SEPTIN14: variants seen among roughly 807,000 people sequenced by gnomAD.
SEPTIN14 encodes septin 14, also known as septin-14.
A neutral mutation model predicts 53.6 loss-of-function variants in SEPTIN14; 40 were observed. That is an observed-to-expected ratio of 0.75 (90% CI 0.58 to 0.97). The LOEUF (loss-of-function observed/expected upper bound fraction) is 0.97, where lower values mean the gene tolerates loss of function less well. Among genes scored for constraint, SEPTIN14 ranks in the 50% least tolerant of loss-of-function variants. The pLI, the probability that SEPTIN14 is intolerant of heterozygous loss-of-function variation, is 0.00. For missense variants in SEPTIN14, 471 were observed against 508.2 expected (o/e 0.93, Z 0.70); for synonymous variants, 138 against 166.8 (o/e 0.83, Z 1.33).
At chr7:55,849,538 G>A (rs1343615569) in intron 2 of SEPTIN14, among the ~76,000 whole-genome samples, 1 of 151,904 alleles carries the variant, frequency 6.6e-6, no homozygotes, top group Non-Finnish European at 1.5e-5. Context: ...CTGAGGTCAG[G>A]AGTTTGAGAC....
intron 3 of SEPTIN14, among the ~76,000 whole-genome samples, chr7:55,846,089 A>ATATATATATATATATATATATATG (rs1413807430): frequency 7.7e-6 from 1 of 130,036 alleles, no homozygotes; most frequent in Non-Finnish European, 1.6e-5. Context: ...ATATATATAT[A>ATATATATATATATATATATATATG]TATGTATACA....
intron 5 of SEPTIN14, among the ~76,000 whole-genome samples, chr7:55,842,524 G>C (rs972564683): frequency 1.3e-5 from 2 of 151,498 alleles, no homozygotes; most frequent in Non-Finnish European, 2.9e-5. Flanking sequence ...GATTGCTTGA[G>C]CCCAGGAGGT....
At chr7:55,860,360 G>C (rs1313106640) in intron 2 of SEPTIN14, among the ~76,000 whole-genome samples, 1 of 152,112 alleles carries the variant, frequency 6.6e-6, no homozygotes, top group Admixed American at 6.6e-5. Context: ...TAGAATGATA[G>C]CTACCAGAGG....
intron 6 of SEPTIN14, among the ~76,000 whole-genome samples, chr7:55,829,967 A>C (rs1789067911): frequency 6.6e-6 from 1 of 151,650 alleles, no homozygotes; most frequent in Non-Finnish European, 1.5e-5. Flanking sequence ...TCACGAGGTC[A>C]GGAGATCGAG....
intron 2 of SEPTIN14, among the ~76,000 whole-genome samples, chr7:55,859,627 T>G (rs947340436): frequency 3.3e-5 from 5 of 152,142 alleles, no homozygotes; most frequent in African/African-American, 1.2e-4. Flanking sequence ...TTTCAATCCC[T>G]CCCTTCACTT....
intron 7 of SEPTIN14, among the ~76,000 whole-genome samples, chr7:55,808,956 A>G (rs1788650837): frequency 6.6e-6 from 1 of 152,232 alleles, no homozygotes; most frequent in Non-Finnish European, 1.5e-5. Context: ...ATAAAGACAC[A>G]GGCACGTGTA....
At chr7:55,809,049 G>T (rs1788652606) in intron 7 of SEPTIN14, among the ~76,000 whole-genome samples, 3 of 152,010 alleles carry the variant, frequency 2.0e-5, no homozygotes, top group Admixed American at 1.3e-4. Context: ...TAGAGAAAAT[G>T]AACATATACA....
chr7:55,815,175 C>T (rs1788771456), intron 7 of SEPTIN14, among the ~76,000 whole-genome samples: 1 of 152,092 alleles, frequency 6.6e-6, no homozygotes, highest in Non-Finnish European at 1.5e-5. Flanking sequence ...TCTAAGACCT[C>T]AAATTATGAA....
At position 55,834,502 on chromosome 7, in the gene SEPTIN14, A is replaced by T; in HGVS notation, c.643T>A (p.Leu215Met). The T allele has an allele frequency of 6.2e-7, 1 of 1,612,610 alleles. No individual in the cohort carries two copies. The highest frequency in any genetic ancestry group is 8.5e-7 in the Non-Finnish European group (1 of 1,178,732). The change falls in exon 6 of 10, where the codon TTG becomes ATG. Residue 215 changes from leucine (L) to methionine (M), a missense_variant. Coordinates refer to ENST00000388975, the MANE Select transcript of SEPTIN14 (RefSeq NM_207366.3). ...QTFKNKIMSE[L>M]ISNGIQIYQL... The stretch of plus-strand genomic sequence containing the variant: ...TATATCTGGATGCCATTGCTAATCA[A>T]TTCACTCATTATCTTATTCTTAAAC...
intron 7 of SEPTIN14, among the ~76,000 whole-genome samples, chr7:55,817,363 G>A (rs1407935088): frequency 6.6e-6 from 1 of 151,864 alleles, no homozygotes; most frequent in East Asian, 1.9e-4. Context: ...AGGGTATGTA[G>A]GAGAGATGTT....
intron 9 of SEPTIN14, among the ~76,000 whole-genome samples, chr7:55,802,940 C>CTTT (rs1376207267): frequency 1.4e-5 from 2 of 145,624 alleles, no homozygotes; most frequent in Non-Finnish European, 3.1e-5. Context: ...TGAAACTGAA[C>CTTT]TTTTTTTTTT....
chr7:55,815,977 G>A (rs1562708987), intron 7 of SEPTIN14, among the ~76,000 whole-genome samples: 1 of 152,128 alleles, frequency 6.6e-6, no homozygotes, highest in African/African-American at 2.4e-5. Flanking sequence ...AATGAATAAA[G>A]TAAATGTGGT....
At chr7:55,858,205 A>G (rs528428066) in intron 2 of SEPTIN14, among the ~76,000 whole-genome samples, 3 of 152,296 alleles carry the variant, frequency 2.0e-5, no homozygotes, top group African/African-American at 7.2e-5. Context: ...GATGTGCAGA[A>G]ATTCACAATG....
intron 2 of SEPTIN14, among the ~76,000 whole-genome samples, chr7:55,857,490 G>GGGAAGGGA (rs1789656704): frequency 1.4e-5 from 1 of 71,446 alleles, no homozygotes; most frequent in African/African-American, 6.8e-5. Context: ...GAGGGGAGGG[G>GGGAAGGGA]AGGGAAGGGA....
Position 55,805,249 on chromosome 7 carries a change from A to C in SEPTIN14, c.1119+9T>G, listed in dbSNP as rs1788592623. On this transcript the variant is annotated intron_variant, in intron 9 of 9. Transcript: ENST00000388975. ...TTAATACAAATTATATCAAACTGTC[A>C]GTACTAACCTCTTTTTCAGCTTCTT... is the stretch of plus-strand genomic sequence containing the variant. 1 of 1,606,224 alleles carries C rather than the reference A, an allele frequency of 6.2e-7. No individual in the cohort carries two copies. Among genetic ancestry groups the C allele is most frequent in the African/African-American group, 1.3e-5 (1 of 74,490 alleles).
intron 2 of SEPTIN14, among the ~76,000 whole-genome samples, chr7:55,854,786 G>A (rs192298854): frequency 6.0e-4 from 92 of 152,152 alleles, no homozygotes; most frequent in African/African-American, 2.2e-3. Context: ...ATTCAAAAGA[G>A]TTTGTCATTT....
chr7:55,849,533 G>A (rs1789483413), intron 2 of SEPTIN14, among the ~76,000 whole-genome samples: 1 of 151,720 alleles, frequency 6.6e-6, no homozygotes, highest in Non-Finnish European at 1.5e-5. Context: ...ATCACCTGAG[G>A]TCAGGAGTTT....
At chr7:55,814,640 G>A (rs191052156) in intron 7 of SEPTIN14, among the ~76,000 whole-genome samples, 364 of 152,158 alleles carry the variant, frequency 2.4e-3, no homozygotes, top group Non-Finnish European at 3.9e-3. Flanking sequence ...ACTGATGAAA[G>A]AAATTGAAAA....
intron 5 of SEPTIN14, among the ~76,000 whole-genome samples, chr7:55,836,091 G>A (rs748762568): frequency 1.3e-5 from 2 of 151,954 alleles, no homozygotes; most frequent in African/African-American, 2.4e-5. Flanking sequence ...GTGTGTGCGC[G>A]TGTGTGTGTA....
Sources: allele counts gnomAD v4.1 joint callset (sites outside exome capture counted in the v4.1 genomes callset), GRCh38; gene constraint gnomAD v4.1.1; transcripts MANE v1.5; gene names NCBI Gene and HGNC (gene_info 2026-07-23, HGNC 2026-07-21).